The following TJP3 variants were observed in gnomAD, a reference collection of about 807,000 sequenced individuals.
The protein encoded by TJP3 is tight junction protein 3.
In TJP3, 85 loss-of-function variants were observed where a neutral mutation model predicts 104.2. The ratio of observed to expected loss-of-function variants is 0.82; its 90% CI spans 0.68 to 0.98. TJP3 has a LOEUF of 0.98. Among genes scored for constraint, TJP3 ranks in the 50% least tolerant of loss-of-function variants. The probability of loss-of-function intolerance (pLI) is 0.00; values close to 1 mark genes in which losing one functional copy is unlikely to be tolerated. For missense variants in TJP3, 1,367 were observed against 1,322.8 expected (o/e 1.03, Z -0.52); for synonymous variants, 550 against 550.6 (o/e 1.00, Z 0.02).
intron 1 of TJP3, among the ~76,000 whole-genome samples, chr19:3,713,360 A>G (rs2036449963): frequency 6.6e-6 from 1 of 152,224 alleles, no homozygotes; most frequent in Non-Finnish European, 1.5e-5. Context: ...TGAGGGAAAC[A>G]GCTGGTCCCC....
intron 19 of TJP3, among the ~76,000 whole-genome samples, chr19:3,749,157 C>T (rs530395175): frequency 1.3e-5 from 2 of 151,872 alleles, no homozygotes; most frequent in Admixed American, 1.3e-4. Flanking sequence ...CGTGAGCCAC[C>T]GCACCTGGCC....
In TJP3 at chr19:3,736,177, C is replaced by A. The variant is rs572564827; in HGVS notation, c.1140C>A (p.Asp380Glu). 19 of 1,594,446 alleles carry A rather than the reference C, an allele frequency of 1.2e-5. No homozygotes were observed. The highest frequency in any genetic ancestry group is 1.0e-4 in the South Asian group (9 of 88,894). The stretch of plus-strand genomic sequence containing the variant: ...CCTCCCCTTGCAGGTACAGCCCCGA[C>A]ACGCGTGTGGTCCGCTTCCTCAAGG... ...QSMEDRGYSPDTRVVRFLKGK... is the reference protein window; with the variant it reads ...QSMEDRGYSPETRVVRFLKGK... The change falls in exon 11 of 21, where the codon GAC becomes GAA. Residue 380 changes from aspartate to glutamate, a missense_variant. Coordinates refer to ENST00000541714, the MANE Select transcript of TJP3 (RefSeq NM_001267560.2).
intron 15 of TJP3, among the ~76,000 whole-genome samples, chr19:3,745,131 G>GTTT (rs2036869010): frequency 1.2e-5 from 1 of 80,322 alleles, no homozygotes; most frequent in African/African-American, 4.9e-5. Flanking sequence ...CAAATTTTAT[G>GTTT]TCTTTTTTTT....
At chr19:3,748,295 G>C (rs574660152) in intron 19 of TJP3, among the ~76,000 whole-genome samples, 12 of 136,644 alleles carry the variant, frequency 8.8e-5, no homozygotes, top group African/African-American at 3.4e-4. Flanking sequence ...TTTTTGAGAC[G>C]CAGTCTTGCT....
chr19:3,726,661 T>G (rs1374494958), intron 1 of TJP3, among the ~76,000 whole-genome samples: 2 of 144,698 alleles, frequency 1.4e-5, no homozygotes, highest in African/African-American at 5.2e-5. Flanking sequence ...TCAAGAAGAG[T>G]CTGGGCAACA....
intron 6 of TJP3, among the ~76,000 whole-genome samples, chr19:3,733,037 T>C (rs1157377774): frequency 6.6e-6 from 1 of 151,692 alleles, no homozygotes; most frequent in Non-Finnish European, 1.5e-5. Flanking sequence ...CTTTTTTCTT[T>C]TCTTTTCTTT....
intron 11 of TJP3, among the ~76,000 whole-genome samples, chr19:3,737,488 C>T (rs114972197): frequency 0.011 from 1,611 of 152,138 alleles, 25 homozygotes; most frequent in African/African-American, 0.037. Context: ...TTGCCTGTGT[C>T]CTGCCTTCAT....
intron 1 of TJP3, among the ~76,000 whole-genome samples, chr19:3,725,065 A>G (rs2036583266): frequency 6.6e-6 from 1 of 152,112 alleles, no homozygotes; most frequent in Admixed American, 6.6e-5. Flanking sequence ...ATTTGAGACC[A>G]GCTTGGTCAA....
chr19:3,738,626 C>CGAG lies in TJP3; in HGVS notation c.1360_1362dup (p.Glu454dup). 6.2e-7 allele frequency: 1 copy of CGAG among 1,613,812 alleles called. No individual in the cohort carries two copies. The highest frequency in any genetic ancestry group is 8.5e-7 in the Non-Finnish European group (1 of 1,179,940). ...AGTTCCTGCTGGGGCTGCCACCAGG[C>CGAG]GAGGAGATGGAGCTGGTGACGCAGA... On this transcript the variant is annotated inframe_insertion, in exon 12 of 21. Coordinates refer to ENST00000541714, the MANE Select transcript of TJP3 (RefSeq NM_001267560.2).
intron 20 of TJP3, 23 bp downstream of exon 20, chr19:3,750,207 T>G (rs2036973462): frequency 2.5e-6 from 4 of 1,613,452 alleles, no homozygotes; most frequent in Non-Finnish European, 3.4e-6. Context: ...TATTCCAGAT[T>G]GGGGCCCTCA....
Position 3,730,292 on chromosome 19 carries a change from G to T in TJP3, c.262-63G>T. On this transcript the variant is annotated intron_variant, in intron 4 of 20. Transcript: ENST00000541714. This position sits in a 1 kb window ranked among gnomAD's most constrained non-coding sequence, Gnocchi z 7.3. ...TGGTGTCCCCCAGGGCCACCCGGGG[G>T]CTGAGCAGAGCCTCCCCCAGCCCTT... 2 of 1,497,726 alleles carry T rather than the reference G, an allele frequency of 1.3e-6. No homozygotes were observed. The highest frequency in any genetic ancestry group is 1.8e-6 in the Non-Finnish European group (2 of 1,115,360). 92.8% of individuals were successfully genotyped at this position (1,497,726 alleles called of 1,614,324 possible). A position where few individuals can be genotyped will look rare whatever the true frequency, so the allele number is the denominator to read the frequency against.
chr19:3,748,321 G>A (rs540548576), intron 19 of TJP3, among the ~76,000 whole-genome samples: 4 of 149,046 alleles, frequency 2.7e-5, no homozygotes, highest in African/African-American at 5.0e-5. Context: ...GCCTAGGCTG[G>A]AGTGCAATGG....
chr19:3,731,964 T>G lies in TJP3; in HGVS notation c.643T>G (p.Phe215Val). Residue 215 changes from phenylalanine (F) to valine (V), a missense_variant, in exon 6 of 21, where the codon TTC becomes GTC. By Grantham distance (50) the Phe-to-Val change is conservative. Coordinates refer to ENST00000541714, the MANE Select transcript of TJP3 (RefSeq NM_001267560.2). ...EFGVKLGSQI[F>V]IKHITDSGLA... The stretch of plus-strand genomic sequence containing the variant: ...TGGCGTCAAGCTGGGCAGTCAGATC[T>G]TCATCAAGCACATTACAGATTCGGG... The G allele has an allele frequency of 6.2e-7, 1 of 1,613,542 alleles. No individual in the cohort carries two copies.
chr19:3,723,280 G>C (rs2036562380), intron 1 of TJP3, among the ~76,000 whole-genome samples: 1 of 152,150 alleles, frequency 6.6e-6, no homozygotes, highest in Non-Finnish European at 1.5e-5. Flanking sequence ...TATGCGTACG[G>C]AGGAAGAGGC....
At chr19:3,718,750 C>A (rs2145668500) in intron 1 of TJP3, among the ~76,000 whole-genome samples, 1 of 152,088 alleles carries the variant, frequency 6.6e-6, no homozygotes, top group East Asian at 1.9e-4. Flanking sequence ...CAGTCCCCTG[C>A]AGAACCCCTG....
chr19:3,737,434 T>C (rs773186556), intron 11 of TJP3, among the ~76,000 whole-genome samples: 1 of 151,464 alleles, frequency 6.6e-6, no homozygotes, highest in Non-Finnish European at 1.5e-5. Flanking sequence ...TGTCCACTTA[T>C]AGTCATTTTC....
chr19:3,748,234 C>G (rs956672636), intron 19 of TJP3, among the ~76,000 whole-genome samples, 153 bp downstream of exon 19: 2 of 151,040 alleles, frequency 1.3e-5, no homozygotes, highest in Admixed American at 6.6e-5. Flanking sequence ...CCTGGGGTAG[C>G]TGAGACCCAC....
chr19:3,719,068 C>G (rs1199706746), intron 1 of TJP3, among the ~76,000 whole-genome samples: 1 of 151,938 alleles, frequency 6.6e-6, no homozygotes, highest in African/African-American at 2.4e-5. Context: ...CCTGTAGTCC[C>G]AGCTACTCAG....
At chr19:3,732,802 C>G (rs1018711351) in intron 6 of TJP3, among the ~76,000 whole-genome samples, 6 of 152,074 alleles carry the variant, frequency 3.9e-5, no homozygotes, top group African/African-American at 1.4e-4. Context: ...CACCACCACA[C>G]CTTGCTAATT....
Sources: gnomAD v4.1 joint callset for allele counts (sites outside exome capture counted in the v4.1 genomes callset) on GRCh38, gnomAD v4.1.1 for gene constraint, Gnocchi (gnomAD v3.1) non-coding constraint, MANE v1.5 for transcripts, NCBI Gene and HGNC (gene_info 2026-07-23, HGNC 2026-07-21) for gene names.